Variants in EIF4G3 observed in about 807,000 individuals in gnomAD.
The protein encoded by EIF4G3 is eIF-4-gamma 3.
Under a neutral mutation model 186.4 loss-of-function variants are expected in EIF4G3, and 34 were observed. That is an observed-to-expected ratio of 0.18 (90% confidence interval 0.14 to 0.24). The LOEUF (loss-of-function observed/expected upper bound fraction) is 0.24. EIF4G3 is among the 10% of genes least tolerant of loss of function. The probability of loss-of-function intolerance (pLI) is 1.00; values close to 1 mark genes in which losing one functional copy is unlikely to be tolerated. For missense variants in EIF4G3, 1,536 were observed against 1,948.5 expected (o/e 0.79, Z 3.99); for synonymous variants, 673 against 679.5 (o/e 0.99, Z 0.15).
chr1:20,841,955 C>T (rs750814427), intron 29 of EIF4G3, among the ~76,000 whole-genome samples: 1 of 147,152 alleles, frequency 6.8e-6, no homozygotes, highest in African/African-American at 2.5e-5. Context: ...GGAGAAGGCT[C>T]ATCTAGGTGT....
At chr1:21,117,763 T>TAAAAAAAAAAAAAAAAAAAAAAAAAA (rs757506833) in intron 2 of EIF4G3, among the ~76,000 whole-genome samples, 162 of 107,486 alleles carry the variant, frequency 1.5e-3, no homozygotes, top group Non-Finnish European at 1.9e-3. Context: ...AAAAAAAAAT[T>TAAAAAAAAAAAAAAAAAAAAAAAAAA]AAAAGCAGAA....
intron 24 of EIF4G3, among the ~76,000 whole-genome samples, chr1:20,858,283 C>T (rs2075521253): frequency 6.6e-6 from 1 of 152,144 alleles, no homozygotes; most frequent in South Asian, 2.1e-4. Flanking sequence ...GCCTCTAAGT[C>T]CCCATCTTCT....
intron 2 of EIF4G3, among the ~76,000 whole-genome samples, chr1:21,101,932 T>C (rs1372004986): frequency 6.6e-6 from 1 of 152,054 alleles, no homozygotes; most frequent in Non-Finnish European, 1.5e-5. Flanking sequence ...AGCTCGGCCA[T>C]CTGTTAAAGT....
At chr1:21,020,116 T>C (rs2090314570) in intron 4 of EIF4G3, among the ~76,000 whole-genome samples, 1 of 152,170 alleles carries the variant, frequency 6.6e-6, no homozygotes, top group East Asian at 1.9e-4. Context: ...CTTAACAACA[T>C]TTTCTTACTT....
At chr1:21,137,450 T>C (rs1351130165) in intron 2 of EIF4G3, among the ~76,000 whole-genome samples, 1 of 152,140 alleles carries the variant, frequency 6.6e-6, no homozygotes, top group African/African-American at 2.4e-5. Context: ...TCAAATTATA[T>C]ACTGGACACC....
intron 12 of EIF4G3, among the ~76,000 whole-genome samples, chr1:20,961,100 A>G (rs1211203979): frequency 6.6e-6 from 1 of 152,120 alleles, no homozygotes; most frequent in African/African-American, 2.4e-5. Flanking sequence ...AATAATTTTT[A>G]TTGGCCAGGT....
At chr1:21,123,563 A>C (rs1316610349) in intron 2 of EIF4G3, among the ~76,000 whole-genome samples, 1 of 125,786 alleles carries the variant, frequency 8.0e-6, no homozygotes, top group Non-Finnish European at 1.6e-5. Context: ...AGACTGTCTC[A>C]AAAAAAAAAA....
intron 2 of EIF4G3, among the ~76,000 whole-genome samples, chr1:21,153,472 C>A (rs1352234829): frequency 6.6e-6 from 1 of 152,192 alleles, no homozygotes; most frequent in Non-Finnish European, 1.5e-5. Flanking sequence ...TCTCAAGTCC[C>A]AGCATTCAAT....
At chr1:21,095,721 A>G (rs572498047) in intron 2 of EIF4G3, among the ~76,000 whole-genome samples, 1 of 152,208 alleles carries the variant, frequency 6.6e-6, no homozygotes, top group Non-Finnish European at 1.5e-5. Flanking sequence ...GTCAGCACAT[A>G]TTGCCAATTG....
chr1:21,161,178 A>T (rs2097761090), intron 2 of EIF4G3, among the ~76,000 whole-genome samples: 1 of 151,784 alleles, frequency 6.6e-6, no homozygotes, highest in Non-Finnish European at 1.5e-5. Flanking sequence ...CTCATAAAGA[A>T]GTTTCTTCCT....
chr1:20,948,352 CAGG>C (rs1379744927), intron 13 of EIF4G3, among the ~76,000 whole-genome samples: 1 of 152,190 alleles, frequency 6.6e-6, no homozygotes, highest in Non-Finnish European at 1.5e-5. Flanking sequence ...TTGAAGCATG[CAGG>C]AGTTCTCCTT....
At chr1:21,083,442 T>C (rs543606326) in intron 3 of EIF4G3, among the ~76,000 whole-genome samples, 30 of 151,728 alleles carry the variant, frequency 2.0e-4, no homozygotes, top group Admixed American at 4.6e-4. Flanking sequence ...CATGCCAAAG[T>C]GCTAGGATTA....
intron 4 of EIF4G3, among the ~76,000 whole-genome samples, chr1:21,033,543 G>A (rs2092922235): frequency 6.6e-6 from 1 of 152,138 alleles, no homozygotes; most frequent in Non-Finnish European, 1.5e-5. Context: ...TGCAGGCACT[G>A]TTATTTCTAT....
chr1:20,921,325 G>C (rs1423355688), intron 14 of EIF4G3, among the ~76,000 whole-genome samples: 3 of 152,122 alleles, frequency 2.0e-5, no homozygotes, highest in African/African-American at 7.2e-5. Flanking sequence ...AAGTAACGAA[G>C]GTAATTGTGC....
chr1:20,954,514 G>T lies in EIF4G3; in HGVS notation c.715-4403C>A, dbSNP rs574418046. The stretch of plus-strand genomic sequence containing the variant: ...TCGCGCCACTGCATTCCAGCCTGGC[G>T]AGAGAGTCAGACCCCGTCTCAAAAA... On this transcript the variant is annotated intron_variant, in intron 12 of 36. Coordinates refer to ENST00000602326, the MANE Select transcript of EIF4G3 (RefSeq NM_001391906.1). 4.1e-5 allele frequency among the ~76,000 whole-genome samples: 5 copies of T among 121,348 alleles called. No individual in the cohort carries two copies. The East Asian group carries it at 1.2e-3, about 30-fold the overall frequency. The allele number at this position is 121,348 out of a possible 152,430, so 79.6% of individuals were successfully genotyped here. A position where few individuals can be genotyped will look rare whatever the true frequency, so the allele number is the denominator to read the frequency against.
intron 14 of EIF4G3, among the ~76,000 whole-genome samples, chr1:20,908,719 T>TCCCTATAC (rs2092692634): frequency 6.6e-6 from 1 of 152,168 alleles, no homozygotes; most frequent in South Asian, 2.1e-4. Context: ...CTAACAACTA[T>TCCCTATAC]CCCTATACAA....
intron 10 of EIF4G3, among the ~76,000 whole-genome samples, chr1:20,977,392 G>A (rs1406067025): frequency 6.6e-6 from 1 of 152,012 alleles, no homozygotes; most frequent in East Asian, 1.9e-4. Context: ...TCATCATGTT[G>A]GCCAGGCTGG....
At chr1:20,825,248 A>G in intron 32 of EIF4G3, 50 bp from the exon 33 acceptor site, 1 of 1,005,840 alleles carries the variant, frequency 9.9e-7, no homozygotes, top group Non-Finnish European at 1.4e-6. Flanking sequence ...GGAAGAAGAA[A>G]CAGAAAAAAA....
chr1:20,971,908 C>G (rs1352710865), intron 11 of EIF4G3, among the ~76,000 whole-genome samples: 1 of 152,164 alleles, frequency 6.6e-6, no homozygotes, highest in African/African-American at 2.4e-5. Flanking sequence ...GCTGGGGTTA[C>G]AGGTGTGAGC....
Sources: gnomAD v4.1 joint callset for allele counts (sites outside exome capture counted in the v4.1 genomes callset) on GRCh38, gnomAD v4.1.1 for gene constraint, MANE v1.5 for transcripts, NCBI Gene and HGNC (gene_info 2026-07-23, HGNC 2026-07-21) for gene names.